DLGAP1: variants seen among roughly 807,000 people sequenced by gnomAD.
DLGAP1 encodes the protein DLG associated protein 1, also known as disks large-associated protein 1.
DLGAP1 carries 11 observed loss-of-function variants against 90.8 expected under a neutral mutation model. The ratio of observed to expected loss-of-function variants is 0.12; its 90% CI spans 0.08 to 0.20. DLGAP1 has a LOEUF of 0.20. Ranked by LOEUF, DLGAP1 falls within the 10% of genes least tolerant of loss-of-function variation. The probability of loss-of-function intolerance (pLI) is 1.00; values close to 1 mark genes in which losing one functional copy is unlikely to be tolerated. For missense variants in DLGAP1, 1,050 were observed against 1,333.8 expected (o/e 0.79, Z 3.31); for synonymous variants, 558 against 540.7 (o/e 1.03, Z -0.44).
At position 4,213,736 on chromosome 18, in the gene DLGAP1, A is replaced by G. The variant is rs1008334286; in HGVS notation, c.-266-62449T>C. ...TGGGGACCTCCCCCATATCTCAAGG[A>G]AAGTTTTCTGAGAGTAATAAGACAA... is the stretch of plus-strand genomic sequence containing the variant. On this transcript the variant is annotated intron_variant, in intron 1 of 12. Transcript: ENST00000315677. Among the ~76,000 whole-genome samples the G allele has an allele frequency of 3.9e-5, 6 of 152,328 alleles. No individual in the cohort carries two copies. In the East Asian group the frequency reaches 1.2e-3, roughly 29 times the overall value.
At chr18:3,901,426 C>T (rs74371503) in intron 3 of DLGAP1, among the ~76,000 whole-genome samples, 1 of 152,008 alleles carries the variant, frequency 6.6e-6, no homozygotes, top group Non-Finnish European at 1.5e-5. Context: ...CTGCTTTACA[C>T]CCCGTCCACT....
intron 4 of DLGAP1, among the ~76,000 whole-genome samples, chr18:3,849,447 AGATCAAG>A (rs1598993519): frequency 6.6e-6 from 1 of 152,280 alleles, no homozygotes; most frequent in Non-Finnish European, 1.5e-5. Context: ...AAACACTTTG[AGATCAAG>A]GACACTACAG....
intron 11 of DLGAP1, among the ~76,000 whole-genome samples, chr18:3,504,250 C>T (rs555445117): frequency 6.6e-6 from 1 of 151,650 alleles, no homozygotes; most frequent in African/African-American, 2.4e-5. Flanking sequence ...ACAGAGAAAC[C>T]CTTTCATTAA....
At chr18:3,760,018 G>A (rs2063889758) in intron 5 of DLGAP1, among the ~76,000 whole-genome samples, 1 of 152,164 alleles carries the variant, frequency 6.6e-6, no homozygotes, top group South Asian at 2.1e-4. Flanking sequence ...GAAGTGAGGT[G>A]TAATGCTCTG....
intron 4 of DLGAP1, among the ~76,000 whole-genome samples, chr18:3,848,213 T>C (rs1188331469): frequency 9.5e-6 from 1 of 105,380 alleles, no homozygotes; most frequent in Non-Finnish European, 1.9e-5. Flanking sequence ...TTAGAATGAA[T>C]AGAATGAGGA....
chr18:4,022,941 T>G (rs1280030371), intron 2 of DLGAP1, among the ~76,000 whole-genome samples: 1 of 138,648 alleles, frequency 7.2e-6, no homozygotes, highest in East Asian at 2.0e-4. Flanking sequence ...AGCAGTAGAA[T>G]TGGTGGATTG....
intron 5 of DLGAP1, among the ~76,000 whole-genome samples, chr18:3,743,994 GA>G (rs1300618208): frequency 6.6e-6 from 1 of 152,088 alleles, no homozygotes; most frequent in Non-Finnish European, 1.5e-5. Context: ...GTATTAGTGC[GA>G]TTTTTCTTTC....
intron 7 of DLGAP1, chr18:3,598,465 CTT>C (rs35437765): frequency 8.6e-4 from 99 of 115,312 alleles, no homozygotes; most frequent in African/African-American, 1.4e-3. Context: ...CCCTCCATTA[CTT>C]TTTTTTTTTT....
intron 4 of DLGAP1, among the ~76,000 whole-genome samples, chr18:3,847,880 G>A (rs958793452): frequency 3.9e-5 from 6 of 151,952 alleles, no homozygotes; most frequent in Non-Finnish European, 7.4e-5. Context: ...GGCCAGGCAC[G>A]GTGTCTCACT....
intron 1 of DLGAP1, among the ~76,000 whole-genome samples, chr18:4,390,103 T>C (rs1406666941): frequency 6.6e-6 from 1 of 152,046 alleles, no homozygotes; most frequent in Non-Finnish European, 1.5e-5. Flanking sequence ...CAAAATATTC[T>C]CTGCCCTTCC....
At chr18:4,310,238 G>GT (rs890689254) in intron 1 of DLGAP1, among the ~76,000 whole-genome samples, 5 of 151,480 alleles carry the variant, frequency 3.3e-5, no homozygotes, top group Admixed American at 2.6e-4. Context: ...TTGGGTGTGA[G>GT]TTTTTTTTTA....
intron 3 of DLGAP1, among the ~76,000 whole-genome samples, chr18:3,906,485 A>C (rs574620129): frequency 6.6e-6 from 1 of 152,238 alleles, no homozygotes; most frequent in Non-Finnish European, 1.5e-5. Context: ...AAGTACAGGA[A>C]CTCTCACACC....
At chr18:3,743,490 G>T (rs1442113992) in intron 5 of DLGAP1, among the ~76,000 whole-genome samples, 1 of 150,998 alleles carries the variant, frequency 6.6e-6, no homozygotes, top group Non-Finnish European at 1.5e-5. Flanking sequence ...GAGTAGCTGG[G>T]ACTACAGGCA....
At chr18:4,032,543 T>C (rs8098241) in intron 2 of DLGAP1, among the ~76,000 whole-genome samples, 27,020 of 150,504 alleles carry the variant, frequency 0.18, 2,722 homozygotes, top group South Asian at 0.31. Context: ...ATTGTTGGGG[T>C]CAGGAGGTAA....
chr18:4,024,992 A>G (rs1256934074), intron 2 of DLGAP1, among the ~76,000 whole-genome samples: 2 of 152,200 alleles, frequency 1.3e-5, no homozygotes, highest in East Asian at 3.9e-4. Flanking sequence ...ACACTGGGGA[A>G]ATCAGACAAA....
At chr18:3,569,518 G>A (rs2054641842) in intron 8 of DLGAP1, among the ~76,000 whole-genome samples, 1 of 151,880 alleles carries the variant, frequency 6.6e-6, no homozygotes, top group Admixed American at 6.6e-5. Context: ...GAGAGTCTTA[G>A]GTAGTCACAT....
intron 1 of DLGAP1, among the ~76,000 whole-genome samples, chr18:4,407,883 AATAAATAT>A (rs202194241): frequency 0.086 from 6,303 of 73,092 alleles, 226 homozygotes; most frequent in African/African-American, 0.27. Flanking sequence ...TAAATAAATA[AATAAATAT>A]ATAAATAAAT....
intron 1 of DLGAP1, among the ~76,000 whole-genome samples, chr18:4,336,079 C>G (rs565554528): frequency 6.6e-6 from 1 of 152,200 alleles, no homozygotes; most frequent in Non-Finnish European, 1.5e-5. Flanking sequence ...TGCCTGTTAT[C>G]ACTATTAGCA....
At chr18:3,916,558 C>G (rs2072149458) in intron 3 of DLGAP1, among the ~76,000 whole-genome samples, 1 of 152,202 alleles carries the variant, frequency 6.6e-6, no homozygotes, top group South Asian at 2.1e-4. Context: ...GGAGCTTGAA[C>G]ATTCACTCAC....
Sources: allele counts gnomAD v4.1 joint callset (sites outside exome capture counted in the v4.1 genomes callset), GRCh38; gene constraint gnomAD v4.1.1; transcripts MANE v1.5; gene names NCBI Gene and HGNC (gene_info 2026-07-23, HGNC 2026-07-21).